CPLANE1: variants seen among roughly 807,000 people sequenced by gnomAD.
CPLANE1 encodes the protein ciliogenesis and planar polarity effector 1.
Under a neutral mutation model 362.5 loss-of-function variants are expected in CPLANE1, and 263 were observed. The observed-to-expected ratio is 0.73, with a 90% CI of 0.66 to 0.80. The LOEUF (loss-of-function observed/expected upper bound fraction) is 0.80. Among genes scored for constraint, CPLANE1 ranks in the 30% least tolerant of loss-of-function variants. CPLANE1 has a pLI of 0.00. For missense variants in CPLANE1, 3,461 were observed against 3,793.4 expected, an observed-to-expected ratio of 0.91 and a Z score of 2.30; for synonymous variants, 1,212 against 1,302.6, an observed-to-expected ratio of 0.93 and a Z score of 1.50.
At chr5:37,147,891 G>A (rs187675961) in intron 43 of CPLANE1, among the ~76,000 whole-genome samples, 1 of 142,526 alleles carries the variant, frequency 7.0e-6, no homozygotes, top group African/African-American at 2.6e-5. Context: ...GAGGCCAATG[G>A]CTTGGAATCC....
In CPLANE1 at chr5:37,201,601, A is replaced by G. The variant is rs201653949; in HGVS notation, c.3497T>C (p.Ile1166Thr). 81 of 1,613,378 alleles carry G rather than the reference A, an allele frequency of 5.0e-5. No individual in the cohort carries two copies. The highest frequency in any genetic ancestry group is 4.2e-6 in the Non-Finnish European group (5 of 1,179,496). Residue 1166 changes from isoleucine to threonine, a missense_variant, in exon 19 of 53, where the codon ATT becomes ACT. Ile to Thr is a moderately conservative substitution (Grantham distance 89, BLOSUM62 -1). This residue lies in a region of CPLANE1 where 3,380 missense variants were observed against 3,666.1 expected (regional missense o/e 0.92). Transcript: ENST00000651892. ...APPLYCPQPA[I>T]LSEEDGDDLL... ...ATGCTATAAGCTTACTTCACTAAGA[A>G]TAGCTGGCTGGGGACAGTACAATGG...
At chr5:37,085,150 C>T in the CPLANE1 span, 2 of 770,910 alleles carry the variant, frequency 2.6e-6, no homozygotes, top group Non-Finnish European at 4.8e-6. Flanking sequence ...CCTTGTCCAT[C>T]CACCAGTCCT....
chr5:37,235,500 C>A (rs1466690858), intron 8 of CPLANE1, among the ~76,000 whole-genome samples: 1 of 147,048 alleles, frequency 6.8e-6, no homozygotes, highest in Non-Finnish European at 1.5e-5. Flanking sequence ...TTAGAAAAAA[C>A]AATCCTAAAA....
At chr5:37,146,614 T>C (rs1021532500) in intron 43 of CPLANE1, among the ~76,000 whole-genome samples, 3 of 152,224 alleles carry the variant, frequency 2.0e-5, no homozygotes, top group African/African-American at 4.8e-5. Flanking sequence ...CTTTTAGAGA[T>C]ACATACAAAA....
At chr5:37,194,975 A>AC (rs1786863512) in intron 21 of CPLANE1, among the ~76,000 whole-genome samples, 1 of 151,616 alleles carries the variant, frequency 6.6e-6, no homozygotes, top group Admixed American at 6.6e-5. Flanking sequence ...ACACGGTGAA[A>AC]CCCCGTCTCT....
intron 2 of CPLANE1, chr5:37,246,619 C>T (rs1426284411): frequency 1.3e-5 from 2 of 152,132 alleles, no homozygotes; most frequent in Admixed American, 1.3e-4. Flanking sequence ...TTTGAGTTAA[C>T]TTTGTTTTCA....
At chr5:37,212,252 C>T (rs971435004) in intron 16 of CPLANE1, 13 of 1,426,918 alleles carry the variant, frequency 9.1e-6, no homozygotes, top group African/African-American at 1.4e-5. Flanking sequence ...TCCAGCAAGA[C>T]CAGGAGTCGG....
At chr5:37,189,818 G>C (rs927807101) in intron 21 of CPLANE1, among the ~76,000 whole-genome samples, 5 of 152,096 alleles carry the variant, frequency 3.3e-5, no homozygotes, top group African/African-American at 1.2e-4. Flanking sequence ...GGTCAACCTG[G>C]TGAAACCTCA....
Position 37,183,660 on chromosome 5 carries a change from CT to C in CPLANE1, c.4520del (p.Lys1507SerfsTer31). The C allele has an allele frequency of 6.2e-7, 1 of 1,605,834 alleles. No individual in the cohort carries two copies. The highest frequency in any genetic ancestry group is 8.5e-7 in the Non-Finnish European group (1 of 1,177,546). On this transcript the variant is annotated frameshift_variant, in exon 26 of 53. Transcript: ENST00000651892. ...TACACATTTTCCTTTTATCAGTTGG[CT>C]TATGAATTGATGTTAATTCCATGTG... ...PNHMELTSIH[K>X]PTDKRKMCNQ...
At chr5:37,173,493 C>T (rs1403395006) in intron 32 of CPLANE1, among the ~76,000 whole-genome samples, 1 of 151,870 alleles carries the variant, frequency 6.6e-6, no homozygotes, top group Admixed American at 6.6e-5. Context: ...AGTTTCCTAG[C>T]AGAGTCTCAC....
At chr5:37,121,244 G>A (rs1762534319) in intron 49 of CPLANE1, among the ~76,000 whole-genome samples, 1 of 152,142 alleles carries the variant, frequency 6.6e-6, no homozygotes, top group African/African-American at 2.4e-5. Flanking sequence ...AAGCAGCTGG[G>A]GACTGGCTGT....
the CPLANE1 span, among the ~76,000 whole-genome samples, chr5:37,099,193 T>G: frequency 1.3e-5 from 2 of 152,194 alleles, no homozygotes; most frequent in Non-Finnish European, 2.9e-5. Context: ...CATAGGTAAA[T>G]GTGTGCTGTG....
intron 46 of CPLANE1, among the ~76,000 whole-genome samples, chr5:37,137,154 A>C (rs1767971727): frequency 6.6e-6 from 1 of 152,130 alleles, no homozygotes; most frequent in Non-Finnish European, 1.5e-5. Context: ...GCCACTTAGA[A>C]ATTTCTTCCA....
chr5:37,077,047 A>G, the CPLANE1 span, among the ~76,000 whole-genome samples: 2 of 151,958 alleles, frequency 1.3e-5, no homozygotes, highest in African/African-American at 2.4e-5. Context: ...ATGTAAATGA[A>G]TAGACAGGAT....
chr5:37,092,193 G>A, the CPLANE1 span, among the ~76,000 whole-genome samples: 1 of 152,142 alleles, frequency 6.6e-6, no homozygotes, highest in Admixed American at 6.5e-5. Flanking sequence ...GGCTAGGAGG[G>A]ATAGATTTAC....
intron 46 of CPLANE1, among the ~76,000 whole-genome samples, chr5:37,133,111 C>T (rs1766465221): frequency 6.6e-6 from 1 of 152,116 alleles, no homozygotes; most frequent in African/African-American, 2.4e-5. Context: ...TCTGAGTTCT[C>T]TATTCTGTTC....
At chr5:37,207,972 T>C (rs560729370) in intron 16 of CPLANE1, among the ~76,000 whole-genome samples, 1 of 152,320 alleles carries the variant, frequency 6.6e-6, no homozygotes, top group African/African-American at 2.4e-5. Context: ...TTTGTTTTGT[T>C]TGAGACAGTC....
At position 37,209,403 on chromosome 5, in the gene CPLANE1, T is replaced by C. The variant is rs1791946496; in HGVS notation, c.2921-2978A>G. 2.4e-6 allele frequency: 3 copies of C among 1,250,974 alleles called. No homozygotes were observed. The highest frequency in any genetic ancestry group is 2.3e-6 in the Non-Finnish European group (2 of 851,530). 77.5% of individuals were successfully genotyped at this position (1,250,974 alleles called of 1,614,324 possible). On this transcript the variant is annotated intron_variant, in intron 16 of 52. Transcript: ENST00000651892. This position sits in a 1 kb window ranked among gnomAD's most constrained non-coding sequence, Gnocchi z 4.6. ...CAACATGCTCCCCGTGGCTGATGTG[T>C]TGAGTCAAAATGAACTGCGCAAAAA...
chr5:37,211,137 A>C (rs1301565760), intron 16 of CPLANE1: 3 of 1,186,302 alleles, frequency 2.5e-6, no homozygotes, highest in Non-Finnish European at 3.8e-6. Flanking sequence ...TTTCTTGAAC[A>C]ATCCTTTTAA....
Sources: gnomAD v4.1 joint callset for allele counts (sites outside exome capture counted in the v4.1 genomes callset) on GRCh38, gnomAD v4.1.1 for gene constraint, gnomAD v4.1.1 regional missense constraint, Gnocchi (gnomAD v3.1) non-coding constraint, MANE v1.5 for transcripts, NCBI Gene and HGNC (gene_info 2026-07-23, HGNC 2026-07-21) for gene names.